RCOR1: variants seen among roughly 807,000 people sequenced by gnomAD.
RCOR1 encodes the protein REST corepressor.
A neutral mutation model predicts 64.0 loss-of-function variants in RCOR1; 12 were observed. That is an observed-to-expected ratio of 0.19 (90% CI 0.12 to 0.30). The LOEUF (loss-of-function observed/expected upper bound fraction) is 0.30. Ranked by LOEUF, RCOR1 falls within the 10% of genes least tolerant of loss-of-function variation. RCOR1 has a pLI of 1.00. For missense variants in RCOR1, 502 were observed against 621.2 expected, an observed-to-expected ratio of 0.81 and a Z score of 2.04; for synonymous variants, 279 against 227.2, an observed-to-expected ratio of 1.23 and a Z score of -2.05.
chr14:102,617,046 A>G (rs930709923), intron 2 of RCOR1, among the ~76,000 whole-genome samples: 18 of 152,334 alleles, frequency 1.2e-4, no homozygotes, highest in African/African-American at 3.6e-4. Flanking sequence ...GGCCAAATAT[A>G]TATTTCACAA....
intron 2 of RCOR1, among the ~76,000 whole-genome samples, chr14:102,670,755 A>T (rs904358535): frequency 6.7e-5 from 10 of 148,750 alleles, no homozygotes; most frequent in Non-Finnish European, 1.0e-4. Flanking sequence ...ATATATATAT[A>T]TATTTATTTA....
intron 2 of RCOR1, among the ~76,000 whole-genome samples, chr14:102,631,565 A>AT (rs1894111518): frequency 6.6e-6 from 1 of 152,064 alleles, no homozygotes; most frequent in South Asian, 2.1e-4. Flanking sequence ...GTTGACAGAC[A>AT]TAAACTGGAA....
intron 2 of RCOR1, among the ~76,000 whole-genome samples, chr14:102,666,837 G>A (rs977916610): frequency 6.6e-6 from 1 of 152,132 alleles, no homozygotes; most frequent in South Asian, 2.1e-4. Context: ...GACCAGTGTT[G>A]CCTGGCGGAG....
chr14:102,629,944 T>G, intron 2 of RCOR1: 6 of 940,826 alleles, frequency 6.4e-6, no homozygotes, highest in Non-Finnish European at 7.6e-6. Context: ...ACTTGACTAT[T>G]ATTACATTAT....
intron 2 of RCOR1, among the ~76,000 whole-genome samples, chr14:102,645,263 A>G (rs1595210220): frequency 6.6e-6 from 1 of 152,342 alleles, no homozygotes; most frequent in East Asian, 1.9e-4. Context: ...AGGACAGTGC[A>G]GAACCTTCTT....
chr14:102,649,557 A>G (rs1894543327), intron 2 of RCOR1, among the ~76,000 whole-genome samples: 1 of 152,332 alleles, frequency 6.6e-6, no homozygotes, highest in South Asian at 2.1e-4. Flanking sequence ...AAGTGATGTG[A>G]AGTAGACAAG....
chr14:102,671,969 A>G (rs2139949277), intron 2 of RCOR1, among the ~76,000 whole-genome samples: 1 of 152,138 alleles, frequency 6.6e-6, no homozygotes, highest in East Asian at 1.9e-4. Flanking sequence ...GCTTTCACTT[A>G]GCATAGTGTT....
intron 7 of RCOR1, among the ~76,000 whole-genome samples, chr14:102,713,709 A>G (rs1896006823): frequency 6.6e-6 from 1 of 152,148 alleles, no homozygotes; most frequent in African/African-American, 2.4e-5. Flanking sequence ...TGTATTACCC[A>G]CTTGTTGAAG....
intron 2 of RCOR1, among the ~76,000 whole-genome samples, chr14:102,677,131 G>A (rs1201114057): frequency 2.3e-5 from 3 of 131,784 alleles, no homozygotes; most frequent in East Asian, 2.4e-4. Flanking sequence ...CTCACCTCCC[G>A]GACGGGGCGG....
At chr14:102,615,921 C>G (rs775269767) in intron 2 of RCOR1, among the ~76,000 whole-genome samples, 7 of 152,208 alleles carry the variant, frequency 4.6e-5, no homozygotes, top group Non-Finnish European at 8.8e-5. Flanking sequence ...GCCATCAGTT[C>G]TGCAGTGGGC....
chr14:102,662,593 C>CTT, intron 2 of RCOR1: 11 of 402,740 alleles, frequency 2.7e-5, no homozygotes, highest in South Asian at 6.2e-5. Context: ...ATGTGTGGAT[C>CTT]TTTTTTTTTT....
intron 3 of RCOR1, among the ~76,000 whole-genome samples, chr14:102,684,001 C>T (rs546456799): frequency 2.6e-5 from 4 of 152,354 alleles, no homozygotes; most frequent in East Asian, 1.9e-4. Context: ...CCCCAGCCCC[C>T]GCAGCTCTGA....
At position 102,714,519 on chromosome 14, in the gene RCOR1, C is replaced by T; in HGVS notation, c.955C>T (p.Leu319Phe). 6.2e-7 allele frequency: 1 copy of T among 1,613,984 alleles called. No individual in the cohort carries two copies. The highest frequency in any genetic ancestry group is 8.5e-7 in the Non-Finnish European group (1 of 1,179,914). The change falls in exon 8 of 12, where the codon CTT becomes TTT. Residue 319 changes from leucine (L) to phenylalanine (F), a missense_variant. Leu to Phe is a conservative substitution (Grantham distance 22, BLOSUM62 0). Transcript: ENST00000262241. The part of the protein sequence containing the change: ...AKRKPPKGMF[L>F]SQEDVEAVSA... ...AAGGAAACCTCCAAAAGGAATGTTTCTTTCTCAAGAAGATGTGGAGGCTGT... is the reference window on the plus strand; with the variant it reads ...AAGGAAACCTCCAAAAGGAATGTTTTTTTCTCAAGAAGATGTGGAGGCTGT...
chr14:102,664,556 A>G (rs1894881769), intron 2 of RCOR1, among the ~76,000 whole-genome samples: 1 of 152,220 alleles, frequency 6.6e-6, no homozygotes, highest in Non-Finnish European at 1.5e-5. Context: ...GAGAGATACA[A>G]GAAGAGAGGG....
At chr14:102,631,036 A>G (rs1034873905) in intron 2 of RCOR1, among the ~76,000 whole-genome samples, 1 of 152,088 alleles carries the variant, frequency 6.6e-6, no homozygotes, top group Non-Finnish European at 1.5e-5. Context: ...TCCCAGAGGA[A>G]GGAAACAGAA....
intron 3 of RCOR1, among the ~76,000 whole-genome samples, chr14:102,700,583 A>C (rs890708735): frequency 6.6e-6 from 1 of 152,180 alleles, no homozygotes. Context: ...TATCCAGGCT[A>C]ATCTAGAACT....
intron 2 of RCOR1, chr14:102,659,105 A>G (rs1894781319): frequency 3.1e-5 from 31 of 984,956 alleles, no homozygotes; most frequent in Non-Finnish European, 3.6e-5. Flanking sequence ...TGCTTTTTCT[A>G]GGAAAGGTCT....
At chr14:102,658,058 T>G in intron 2 of RCOR1, 3 of 516,578 alleles carry the variant, frequency 5.8e-6, no homozygotes, top group Non-Finnish European at 7.5e-6. Flanking sequence ...CACTGTAACC[T>G]CTGCCTCCCA....
chr14:102,722,326 A>G lies in RCOR1; in HGVS notation c.1329A>G (p.Glu443=). The G allele has an allele frequency of 2.5e-6, 4 of 1,614,178 alleles. No homozygotes were observed. Among genetic ancestry groups the G allele is most frequent in the Non-Finnish European group, 3.4e-6 (4 of 1,180,026 alleles). Residue 443 remains glutamate (E), a synonymous_variant, in exon 11 of 12, where the codon GAA becomes GAG. Transcript: ENST00000262241. ...IDEVLQEWEA[E]HGKEETNGPS... is the part of the protein sequence containing the mutation. ...AAGTTTTACAAGAATGGGAGGCAGAACATGGTAAAGAAGAGACCAATGGGC... is the reference window on the plus strand; with the variant it reads ...AAGTTTTACAAGAATGGGAGGCAGAGCATGGTAAAGAAGAGACCAATGGGC...
Sources: gnomAD v4.1 joint callset for allele counts (sites outside exome capture counted in the v4.1 genomes callset) on GRCh38, gnomAD v4.1.1 for gene constraint, MANE v1.5 for transcripts, NCBI Gene and HGNC (gene_info 2026-07-23, HGNC 2026-07-21) for gene names.